Variants in PER1 observed in about 807,000 individuals in gnomAD.
PER1 encodes period circadian protein homolog 1.
PER1 carries 87 observed loss-of-function variants against 125.9 expected under a neutral mutation model. That is an observed-to-expected ratio of 0.69 (90% CI 0.58 to 0.83). The LOEUF (loss-of-function observed/expected upper bound fraction) is 0.83, where lower values mean the gene tolerates loss of function less well. Among genes scored for constraint, PER1 ranks in the 40% least tolerant of loss-of-function variants. The pLI is 0.00. For synonymous variants in PER1, 801 were observed against 714.7 expected (o/e 1.12, Z -1.93); for missense variants, 1,775 against 1,722.8 (o/e 1.03, Z -0.54).
At position 8,146,279 on chromosome 17, in the gene PER1, G is replaced by A. The variant is rs1007625651; in HGVS notation, c.2038+93C>T. Reference sequence around the variant, plus strand: ...ACCAGGAGGCTGGGGAGGAGAGCAGGGCAGAGCAAGAGGGCCCAGAAGCAG... The same window carrying A: ...ACCAGGAGGCTGGGGAGGAGAGCAGAGCAGAGCAAGAGGGCCCAGAAGCAG... On this transcript the variant is annotated intron_variant, in intron 16 of 22. Coordinates refer to ENST00000317276, the MANE Select transcript of PER1 (RefSeq NM_002616.3). 23 of 1,532,100 alleles carry A rather than the reference G, an allele frequency of 1.5e-5. No individual in the cohort carries two copies. The East Asian group carries it at 5.0e-4, about 33-fold the overall frequency. 94.9% of individuals were successfully genotyped at this position (1,532,100 alleles called of 1,614,324 possible).
In PER1 at chr17:8,143,509, A is replaced by G; in HGVS notation, c.2829T>C (p.Ala943=). The change falls in exon 19 of 23, where the codon GCT becomes GCC. Residue 943 remains alanine, a synonymous_variant. Transcript: ENST00000317276. The part of the protein sequence containing the change: ...SYPYGALQTP[A]EGPPTPASHS... ...GCGAGGCAGGAGTGGGAGGCCCTTCAGCAGGGGTCTGGAGTGCCCCATAAG... is the reference window on the plus strand; with the variant it reads ...GCGAGGCAGGAGTGGGAGGCCCTTCGGCAGGGGTCTGGAGTGCCCCATAAG... 1 of 1,569,588 alleles carries G rather than the reference A, an allele frequency of 6.4e-7. No homozygotes were observed. Among genetic ancestry groups the G allele is most frequent in the Non-Finnish European group, 8.7e-7 (1 of 1,155,820 alleles).
chr17:8,144,725 G>A, intron 18 of PER1, 26 bp downstream of exon 18: 1 of 1,549,654 alleles, frequency 6.5e-7, no homozygotes, highest in Non-Finnish European at 8.7e-7. Context: ...GCAGAGGGCA[G>A]GCTCCAGGAG....
rs147413427 is a variant in PER1, at chr17:8,142,346, G to A, written c.3372C>T (p.Tyr1124=). ...GCAGCCAAATGGGATCCTGGAGCAC[G>A]TACTTAATCACCTGGTCCCCAGGCT... ...GAEPGDQVIK[Y]VLQDPIWLLM... Residue 1124 remains tyrosine (Y), a synonymous_variant, in exon 21 of 23, where the codon TAC becomes TAT. Coordinates refer to ENST00000317276, the MANE Select transcript of PER1 (RefSeq NM_002616.3). The A allele has an allele frequency of 1.8e-4, 283 of 1,613,736 alleles. No homozygotes were observed. Among genetic ancestry groups the A allele is most frequent in the Non-Finnish European group, 2.2e-4 (265 of 1,179,940 alleles).
In PER1 at chr17:8,142,276, G is replaced by A. The variant is rs778455689; in HGVS notation, c.3442C>T (p.Pro1148Ser). 2.5e-6 allele frequency: 4 copies of A among 1,592,192 alleles called. No homozygotes were observed. The highest frequency in any genetic ancestry group is 2.2e-5 in the East Asian group (1 of 44,654). ...GCCTCTGAAATGCCTCACCTGGAGG[G>A]CACCTGGTAGGTCATCATGACGCGC... is the stretch of plus-strand genomic sequence containing the variant. ...DQRVMMTYQV[P>S]SRDMTSVLKQ... The change falls in exon 21 of 23, where the codon CCC becomes TCC. Residue 1148 changes from proline (P) to serine (S), a missense_variant. Physicochemically the swap from Pro to Ser is moderately conservative, Grantham distance 74. Transcript: ENST00000317276.
Position 8,148,682 on chromosome 17 carries a change from C to G in PER1, c.1010G>C (p.Cys337Ser). 6.2e-7 allele frequency: 1 copy of G among 1,613,528 alleles called. No individual in the cohort carries two copies. The highest frequency in any genetic ancestry group is 8.5e-7 in the Non-Finnish European group (1 of 1,179,786). ...ATGGATGCGCTCTGCAATCAGCAGG[C>G]AGCACGGCTGTGCAGGGGCCCCATC... Reference protein sequence around the residue: ...VSDGAPAQPCCLLIAERIHSG... With the variant: ...VSDGAPAQPCSLLIAERIHSG... The change falls in exon 8 of 23, where the codon TGC becomes TCC. Residue 337 changes from cysteine (C) to serine (S), a missense_variant. Cys to Ser is a moderately radical substitution (Grantham distance 112, BLOSUM62 -1). Transcript: ENST00000317276.
rs776263082 is a variant in PER1, at chr17:8,146,359, A to G, written c.2038+13T>C. The G allele has an allele frequency of 1.3e-6, 2 of 1,591,664 alleles. No individual in the cohort carries two copies. Among genetic ancestry groups the G allele is most frequent in the Admixed American group, 3.5e-5 (2 of 57,788 alleles). On this transcript the variant is annotated intron_variant, in intron 16 of 22. Coordinates refer to ENST00000317276, the MANE Select transcript of PER1 (RefSeq NM_002616.3). ...GGACGGGGCAGTGGGAGCAGGGTGC[A>G]TTGGATCTTTACCTTTCTTGGTCCC...
intron 17 of PER1, 85 bp downstream of exon 17, chr17:8,145,873 C>T: frequency 1.4e-6 from 2 of 1,460,436 alleles, no homozygotes; most frequent in Non-Finnish European, 1.8e-6. Flanking sequence ...CCATCAGGCC[C>T]TAGAGGGGAG....
At chr17:8,151,498 G>T (rs1253856557) in intron 1 of PER1, among the ~76,000 whole-genome samples, 1 of 152,160 alleles carries the variant, frequency 6.6e-6, no homozygotes, top group Non-Finnish European at 1.5e-5. Flanking sequence ...CTCGGTGGCC[G>T]TAAGAAGTGG....
chr17:8,142,728 C>T lies in PER1; in HGVS notation c.3180G>A (p.Ser1060=), dbSNP rs933927933. 11 of 1,613,806 alleles carry T rather than the reference C, an allele frequency of 6.8e-6. No individual in the cohort carries two copies. The highest frequency in any genetic ancestry group is 2.2e-5 in the South Asian group (2 of 91,084). The change falls in exon 20 of 23, where the codon TCG becomes TCA. Residue 1060 remains serine, a synonymous_variant. Coordinates refer to ENST00000317276, the MANE Select transcript of PER1 (RefSeq NM_002616.3). Reference sequence around the variant, plus strand: ...AGCCCAAGCCAGAGCCCAAGGAGCCCGAGGCTGCGGAGCCTGTGCCGGAGC... The same window carrying T: ...AGCCCAAGCCAGAGCCCAAGGAGCCTGAGGCTGCGGAGCCTGTGCCGGAGC... The part of the protein sequence containing the change: ...DSRSGTGSAA[S]GSLGSGLGSG...
chr17:8,144,690 C>A (rs1282520687), intron 18 of PER1, 61 bp downstream of exon 18: 2 of 1,536,426 alleles, frequency 1.3e-6, no homozygotes, highest in African/African-American at 1.4e-5. Flanking sequence ...AAGACCCACC[C>A]CCCAACAATC....
Position 8,149,244 on chromosome 17 carries a change from GT to G in PER1, c.905+14del. ...AAAAAGGAGGCAGAGGTCTTCTCCA[GT>G]TCCCCTCACCTACCTGATACGGCAG... On this transcript the variant is annotated intron_variant, in intron 7 of 22. Coordinates refer to ENST00000317276, the MANE Select transcript of PER1 (RefSeq NM_002616.3). 1 of 1,610,060 alleles carries G rather than the reference GT, an allele frequency of 6.2e-7. No homozygotes were observed. The highest frequency in any genetic ancestry group is 8.5e-7 in the Non-Finnish European group (1 of 1,177,264).
intron 22 of PER1, 93 bp from the exon 23 acceptor site, chr17:8,141,433 C>T: frequency 2.9e-6 from 4 of 1,396,440 alleles, no homozygotes; most frequent in Admixed American, 2.2e-5. Flanking sequence ...CTGTGCTTCC[C>T]GAAATGTACT....
Position 8,144,820 on chromosome 17 carries a change from A to T in PER1, c.2392T>A (p.Phe798Ile). The T allele has an allele frequency of 6.3e-7, 1 of 1,586,758 alleles. No individual in the cohort carries two copies. Among genetic ancestry groups the T allele is most frequent in the South Asian group, 1.1e-5 (1 of 87,142 alleles). Residue 798 changes from phenylalanine (F) to isoleucine (I), a missense_variant, in exon 18 of 23, where the codon TTC becomes ATC. Transcript: ENST00000317276. ...CCACGCAGCCTGCCCAGGTCTCGGAAGCGGCTGAGGAAGGCTTGCTCTTCC... is the reference window on the plus strand; with the variant it reads ...CCACGCAGCCTGCCCAGGTCTCGGATGCGGCTGAGGAAGGCTTGCTCTTCC... Reference protein sequence around the residue: ...QKEEQAFLSRFRDLGRLRGLD... With the variant: ...QKEEQAFLSRIRDLGRLRGLD...
intron 8 of PER1, among the ~76,000 whole-genome samples, 159 bp downstream of exon 8, chr17:8,148,485 A>G (rs1057140616): frequency 1.3e-5 from 2 of 152,102 alleles, no homozygotes; most frequent in African/African-American, 4.8e-5. Flanking sequence ...CACCTTATTC[A>G]ACTCTACCTC....
chr17:8,149,051 T>C, intron 7 of PER1: 1 of 612,580 alleles, frequency 1.6e-6, no homozygotes, highest in Non-Finnish European at 2.9e-6. Flanking sequence ...TAGCTGGGCG[T>C]GGTGGCGCAT....
At chr17:8,147,431 CTT>C in intron 12 of PER1, 37 bp downstream of exon 12, 1 of 1,612,826 alleles carries the variant, frequency 6.2e-7, no homozygotes, top group Non-Finnish European at 8.5e-7. Context: ...CTTCCCACAC[CTT>C]TTCTCACCTC....
At position 8,142,668 on chromosome 17, in the gene PER1, G is replaced by A. The variant is rs1165358116; in HGVS notation, c.3240C>T (p.Ser1080=). Residue 1080 remains serine (S), a synonymous_variant, in exon 20 of 23, where the codon AGC becomes AGT. Transcript: ENST00000317276. ...ACTCACGAGTGATGCTGGCTGAGGTGCTGCCCCCTTCATGGGAGCCTGAAC... is the reference window on the plus strand; with the variant it reads ...ACTCACGAGTGATGCTGGCTGAGGTACTGCCCCCTTCATGGGAGCCTGAAC... ...GSGSGSHEGG[S]TSASITRSSQ... 2 of 1,613,964 alleles carry A rather than the reference G, an allele frequency of 1.2e-6. No homozygotes were observed. Among genetic ancestry groups the A allele is most frequent in the Non-Finnish European group, 1.7e-6 (2 of 1,180,018 alleles).
intron 8 of PER1, 88 bp downstream of exon 8, chr17:8,148,556 G>A: frequency 7.0e-7 from 1 of 1,433,472 alleles, no homozygotes; most frequent in South Asian, 1.3e-5. Flanking sequence ...TTCAAAGGGT[G>A]TGGTTCATGC....
Position 8,141,034 on chromosome 17 carries a change from T to C in PER1, c.*34A>G. 1 of 1,580,750 alleles carries C rather than the reference T, an allele frequency of 6.3e-7. No homozygotes were observed. Among genetic ancestry groups the C allele is most frequent in the African/African-American group, 1.3e-5 (1 of 74,218 alleles). ...TTGGGACATAGGAGAAGAAAGCCTCTCATGGACTCCTGGAGATGGTCCCAG... is the reference window on the plus strand; with the variant it reads ...TTGGGACATAGGAGAAGAAAGCCTCCCATGGACTCCTGGAGATGGTCCCAG... On this transcript the variant is annotated 3_prime_UTR_variant, in exon 23 of 23. Coordinates refer to ENST00000317276, the MANE Select transcript of PER1 (RefSeq NM_002616.3).
Sources: allele counts gnomAD v4.1 joint callset (sites outside exome capture counted in the v4.1 genomes callset), GRCh38; gene constraint gnomAD v4.1.1; transcripts MANE v1.5; gene names NCBI Gene and HGNC (gene_info 2026-07-23, HGNC 2026-07-21).